Variants in RNGTT observed in about 807,000 individuals in gnomAD.
The protein encoded by RNGTT is mRNA-capping enzyme.
In RNGTT, 33 loss-of-function variants were observed where a neutral mutation model predicts 79.3. The ratio of observed to expected loss-of-function variants is 0.42; its 90% CI spans 0.32 to 0.56. The LOEUF (loss-of-function observed/expected upper bound fraction) is 0.56, where lower values mean the gene tolerates loss of function less well. RNGTT is among the 20% of genes least tolerant of loss of function. The pLI, the probability that RNGTT is intolerant of heterozygous loss-of-function variation, is 0.17. For synonymous variants in RNGTT, 222 were observed against 235.9 expected (o/e 0.94, Z 0.54); for missense variants, 497 against 739.1 (o/e 0.67, Z 3.80).
intron 6 of RNGTT, among the ~76,000 whole-genome samples, chr6:88,895,229 C>CTGTGTGTGTGTGTG (rs5878081): frequency 1.6e-4 from 23 of 145,204 alleles, no homozygotes; most frequent in East Asian, 8.3e-4. Flanking sequence ...AGAGAGAGCT[C>CTGTGTGTGTGTGTG]TGTGTGTGTG....
chr6:88,708,963 A>G (rs530929554), intron 13 of RNGTT, among the ~76,000 whole-genome samples: 1 of 152,228 alleles, frequency 6.6e-6, no homozygotes, highest in East Asian at 1.9e-4. Flanking sequence ...TTAGGGAATG[A>G]CTTTCCAATG....
Position 88,841,797 on chromosome 6 carries a change from C to T in RNGTT, c.1269+2560G>A, listed in dbSNP as rs117711072. 4.6e-3 allele frequency among the ~76,000 whole-genome samples: 708 copies of T among 152,298 alleles called. 2 individuals are homozygous for T. Among genetic ancestry groups the T allele is most frequent in the Non-Finnish European group, 7.5e-3 (512 of 68,022 alleles). ...CTACAAACCTGATTCTGGAATATGA[C>T]AAATTTCACAAAAGGTGTAACATTC... On this transcript the variant is annotated intron_variant, in intron 11 of 15. Transcript: ENST00000369485.
intron 13 of RNGTT, among the ~76,000 whole-genome samples, chr6:88,724,648 A>C (rs761676651): frequency 1.2e-4 from 18 of 152,362 alleles, no homozygotes; most frequent in South Asian, 4.1e-4. Flanking sequence ...CGTGCAGTTC[A>C]TAATAGAGTT....
chr6:88,830,040 A>T (rs1357573937), intron 11 of RNGTT, among the ~76,000 whole-genome samples: 1 of 152,196 alleles, frequency 6.6e-6, no homozygotes, highest in East Asian at 1.9e-4. Context: ...GACCAAGCAG[A>T]CCTAATAGAC....
At position 88,818,356 on chromosome 6, in the gene RNGTT, G is replaced by A. The variant is rs563104426; in HGVS notation, c.1270-16724C>T. On this transcript the variant is annotated intron_variant, in intron 11 of 15. Coordinates refer to ENST00000369485, the MANE Select transcript of RNGTT (RefSeq NM_003800.5). ...CCAGCACTTTGGGAGGCTGAAGCGG[G>A]TGGATCACCCGAGGTCAGGAGTTCA... Among the ~76,000 whole-genome samples, 24 of 152,134 alleles carry A rather than the reference G, an allele frequency of 1.6e-4. No homozygotes were observed. In the South Asian group the frequency reaches 3.5e-3, roughly 22 times the overall value.
chr6:88,705,361 A>T (rs531263655), intron 13 of RNGTT, among the ~76,000 whole-genome samples: 1 of 152,314 alleles, frequency 6.6e-6, no homozygotes, highest in Non-Finnish European at 1.5e-5. Context: ...TGAGAAATGT[A>T]ATACAGATTT....
chr6:88,899,167 C>T, intron 6 of RNGTT, among the ~76,000 whole-genome samples: 1 of 150,576 alleles, frequency 6.6e-6, no homozygotes, highest in East Asian at 1.9e-4. Context: ...TTTCCTAATT[C>T]GGCCTTTGGA....
chr6:88,853,868 C>A (rs1386328294), intron 8 of RNGTT, 104 bp from the exon 9 acceptor site: 4 of 599,538 alleles, frequency 6.7e-6, no homozygotes, highest in African/African-American at 3.9e-5. Context: ...CATCTGTAGA[C>A]TAATGTTCAC....
intron 8 of RNGTT, among the ~76,000 whole-genome samples, chr6:88,885,625 A>T (rs1782831696): frequency 6.6e-6 from 1 of 152,244 alleles, no homozygotes; most frequent in South Asian, 2.1e-4. Context: ...GGCGAAAAGT[A>T]TAAGAAATAG....
intron 13 of RNGTT, among the ~76,000 whole-genome samples, chr6:88,691,519 T>A (rs1333630490): frequency 6.6e-6 from 1 of 152,072 alleles, no homozygotes; most frequent in Non-Finnish European, 1.5e-5. Flanking sequence ...ACTACCTAAG[T>A]AGTAAAAGTG....
intron 13 of RNGTT, among the ~76,000 whole-genome samples, chr6:88,748,192 C>T (rs1338508904): frequency 1.3e-5 from 2 of 152,072 alleles, no homozygotes; most frequent in Admixed American, 6.6e-5. Flanking sequence ...AAAGTCAAAT[C>T]GAATGTCAGT....
chr6:88,726,347 T>G (rs949265573), intron 13 of RNGTT, among the ~76,000 whole-genome samples: 5 of 138,848 alleles, frequency 3.6e-5, no homozygotes, highest in Non-Finnish European at 7.5e-5. Context: ...AGAGGAAACC[T>G]CATTGTGAGC....
At chr6:88,681,669 C>T (rs1009642965) in intron 13 of RNGTT, among the ~76,000 whole-genome samples, 3 of 152,122 alleles carry the variant, frequency 2.0e-5, no homozygotes, top group African/African-American at 7.2e-5. Context: ...AGCAATCACA[C>T]ATTTTAAATT....
At chr6:88,930,098 A>G (rs182030053) in intron 2 of RNGTT, among the ~76,000 whole-genome samples, 12 of 144,592 alleles carry the variant, frequency 8.3e-5, no homozygotes, top group Admixed American at 1.4e-4. Context: ...ACATATACGT[A>G]TATACATATA....
At chr6:88,745,180 C>CTG (rs1777621574) in intron 13 of RNGTT, among the ~76,000 whole-genome samples, 1 of 152,174 alleles carries the variant, frequency 6.6e-6, no homozygotes. Flanking sequence ...AAGAGAAACT[C>CTG]CGCATATACC....
chr6:88,835,070 C>G (rs866296618), intron 11 of RNGTT, among the ~76,000 whole-genome samples: 1 of 152,036 alleles, frequency 6.6e-6, no homozygotes, highest in Non-Finnish European at 1.5e-5. Flanking sequence ...ACTTTTGAAA[C>G]AGCAATAAGC....
At chr6:88,833,188 C>T (rs143616184) in intron 11 of RNGTT, among the ~76,000 whole-genome samples, 5,727 of 152,110 alleles carry the variant, frequency 0.038, 168 homozygotes, top group African/African-American at 0.076. Context: ...TGCCCATCAA[C>T]GATAGACTGG....
At chr6:88,776,135 C>T (rs1278524057) in intron 12 of RNGTT, among the ~76,000 whole-genome samples, 1 of 152,044 alleles carries the variant, frequency 6.6e-6, no homozygotes, top group Non-Finnish European at 1.5e-5. Context: ...AATGGTTGTA[C>T]CAATTTACAT....
chr6:88,788,921 T>C (rs1405914169), intron 12 of RNGTT, among the ~76,000 whole-genome samples: 1 of 152,252 alleles, frequency 6.6e-6, no homozygotes, highest in Non-Finnish European at 1.5e-5. Context: ...GATTAACTTT[T>C]CCTTCTTATA....
Sources: allele counts gnomAD v4.1 joint callset (sites outside exome capture counted in the v4.1 genomes callset), GRCh38; gene constraint gnomAD v4.1.1; transcripts MANE v1.5; gene names NCBI Gene and HGNC (gene_info 2026-07-23, HGNC 2026-07-21).